Variants in TRIM60 observed in about 807,000 individuals in gnomAD.
TRIM60 encodes tripartite motif-containing protein 60.
For missense variants in TRIM60, 524 were observed against 540.8 expected (o/e 0.97, Z 0.31); for synonymous variants, 189 against 195.2 (o/e 0.97, Z 0.27).
In TRIM60 at chr4:165,041,588, G is replaced by A. The variant is rs1733769093; in HGVS notation, c.*100G>A. The A allele has an allele frequency of 1.2e-6, 1 of 857,248 alleles. No homozygotes were observed. 53.1% of individuals were successfully genotyped at this position (857,248 alleles called of 1,614,324 possible). On this transcript the variant is annotated 3_prime_UTR_variant, in exon 3 of 3. Coordinates refer to ENST00000512596, the MANE Select transcript of TRIM60 (RefSeq NM_152620.3). ...TTAAGTTTTACCACTGAAAACCAGAGTCGATTTTTCTCCTAAATTTTTGGC... is the reference window on the plus strand; with the variant it reads ...TTAAGTTTTACCACTGAAAACCAGAATCGATTTTTCTCCTAAATTTTTGGC...
At position 165,040,317 on chromosome 4, in the gene TRIM60, A is replaced by G; in HGVS notation, c.245A>G (p.Gln82Arg). ...RNLTEIAKQL[Q>R]IRRSKRKRQK... ...TTGACTGAAATTGCTAAACAACTCC[A>G]GATTAGGAGGAGCAAGAGAAAGAGG... Residue 82 changes from glutamine (Q) to arginine (R), a missense_variant, in exon 3 of 3, where the codon CAG (glutamine) becomes CGG (arginine). Transcript: ENST00000512596. The G allele has an allele frequency of 6.2e-7, 1 of 1,614,234 alleles. No homozygotes were observed.
chr4:165,034,461 C>A (rs902671292), intron 1 of TRIM60, among the ~76,000 whole-genome samples: 3 of 152,130 alleles, frequency 2.0e-5, no homozygotes, highest in African/African-American at 7.2e-5. Context: ...CATGAAATAC[C>A]CTTTTTTACA....
chr4:165,039,040 T>G (rs1214486834), intron 1 of TRIM60, among the ~76,000 whole-genome samples, 161 bp from the exon 2 acceptor site: 2 of 152,082 alleles, frequency 1.3e-5, no homozygotes, highest in Non-Finnish European at 2.9e-5. Flanking sequence ...CCAGCCTGGG[T>G]GGCAGCGAAA....
intron 1 of TRIM60, among the ~76,000 whole-genome samples, chr4:165,038,765 C>T (rs1173523517): frequency 6.6e-6 from 1 of 151,094 alleles, no homozygotes; most frequent in Non-Finnish European, 1.5e-5. Flanking sequence ...TACATACATA[C>T]ATTTTTATAT....
chr4:165,039,613 A>G (rs1733701174), intron 2 of TRIM60: 1 of 149,872 alleles, frequency 6.7e-6, no homozygotes, highest in African/African-American at 2.6e-5. Context: ...CCTGGCTAAC[A>G]AGGTGAAACC....
rs564962907 is a variant in TRIM60, at chr4:165,040,580, G to A, written c.508G>A (p.Val170Met). 4 of 1,614,158 alleles carry A rather than the reference G, an allele frequency of 2.5e-6. No individual in the cohort carries two copies. In the South Asian group the frequency reaches 4.4e-5, roughly 18 times the overall value. The change falls in exon 3 of 3, where the codon GTG (valine) becomes ATG (methionine). Residue 170 changes from valine to methionine, a missense_variant. Val to Met is a conservative substitution (Grantham distance 21). Coordinates refer to ENST00000512596, the MANE Select transcript of TRIM60 (RefSeq NM_152620.3). ...KVIILQGSKS[V>M]ELKKKVEYKR... ...GATAATTCTGCAAGGCAGCAAATCAGTGGAGCTGAAAAAGAAGGTAGAATA... is the reference window on the plus strand; with the variant it reads ...GATAATTCTGCAAGGCAGCAAATCAATGGAGCTGAAAAAGAAGGTAGAATA...
At chr4:165,033,009 T>C (rs572211812) in intron 1 of TRIM60, among the ~76,000 whole-genome samples, 1 of 143,190 alleles carries the variant, frequency 7.0e-6, no homozygotes, top group South Asian at 2.2e-4. Context: ...GGCAACATAG[T>C]GAGACCCCTG....
At chr4:165,037,254 T>G (rs186609433) in intron 1 of TRIM60, among the ~76,000 whole-genome samples, 84 of 152,310 alleles carry the variant, frequency 5.5e-4, no homozygotes, top group African/African-American at 1.8e-3. Flanking sequence ...AGTGATTTAG[T>G]ATCACACCAG....
chr4:165,037,417 G>A (rs908372097), intron 1 of TRIM60, among the ~76,000 whole-genome samples: 2 of 151,644 alleles, frequency 1.3e-5, no homozygotes, highest in Admixed American at 6.6e-5. Flanking sequence ...TCTGCCTCCC[G>A]GGTTCAAGCA....
intron 1 of TRIM60, among the ~76,000 whole-genome samples, chr4:165,037,142 A>C (rs1560907888): frequency 6.6e-6 from 1 of 151,612 alleles, no homozygotes. Flanking sequence ...CGGAGGTTGC[A>C]GTGAGCCGAG....
Position 165,041,218 on chromosome 4 carries a change from G to T in TRIM60, c.1146G>T (p.Leu382=), listed in dbSNP as rs1733758226. The change falls in exon 3 of 3, where the codon CTG becomes CTT. Residue 382 remains leucine (L), a synonymous_variant. Transcript: ENST00000512596. Reference sequence around the variant, plus strand: ...ACTGGCAGGATCAGCCATCAGTTCTGGGCGGATTCTGGGCAATTGGGCGAT... The same window carrying T: ...ACTGGCAGGATCAGCCATCAGTTCTTGGCGGATTCTGGGCAATTGGGCGAT... ...LRNWQDQPSV[L]GGFWAIGRYM... 1 of 1,614,040 alleles carries T rather than the reference G, an allele frequency of 6.2e-7. No homozygotes were observed. The highest frequency in any genetic ancestry group is 1.3e-5 in the African/African-American group (1 of 74,920).
At position 165,040,939 on chromosome 4, in the gene TRIM60, T is replaced by C. The variant is rs1289670647; in HGVS notation, c.867T>C (p.Ile289=). ...LPPQYSGLDR[I]IKPFQVDVIL... ...CTCAATATTCTGGCTTGGACAGAAT[T>C]ATCAAGCCATTTCAAGTAGATGTGA... The change falls in exon 3 of 3, where the codon ATT becomes ATC. Residue 289 remains isoleucine (I), a synonymous_variant. Coordinates refer to ENST00000512596, the MANE Select transcript of TRIM60 (RefSeq NM_152620.3). 6.2e-7 allele frequency: 1 copy of C among 1,613,928 alleles called. No individual in the cohort carries two copies. The highest frequency in any genetic ancestry group is 8.5e-7 in the Non-Finnish European group (1 of 1,179,784).
At chr4:165,032,459 G>C (rs1365510627) in intron 1 of TRIM60, among the ~76,000 whole-genome samples, 1 of 152,196 alleles carries the variant, frequency 6.6e-6, no homozygotes, top group Non-Finnish European at 1.5e-5. Flanking sequence ...ATGTTGGCCA[G>C]GCTGGTGTCG....
Position 165,040,594 on chromosome 4 carries a change from GAAGGTAGAATATA to G in TRIM60, c.524_536del (p.Lys175ArgfsTer5). 6.2e-7 allele frequency: 1 copy of G among 1,614,150 alleles called. No individual in the cohort carries two copies. The highest frequency in any genetic ancestry group is 8.5e-7 in the Non-Finnish European group (1 of 1,180,014). On this transcript the variant is annotated frameshift_variant, in exon 3 of 3. Coordinates refer to ENST00000512596, the MANE Select transcript of TRIM60 (RefSeq NM_152620.3). LOFTEE classifies it low-confidence loss of function (END_TRUNC). ...GCAGCAAATCAGTGGAGCTGAAAAA[GAAGGTAGAATATA>G]AGAGGGAAGAAATAAATTCTGAGTT... is the stretch of plus-strand genomic sequence containing the variant.
intron 1 of TRIM60, among the ~76,000 whole-genome samples, 184 bp from the exon 2 acceptor site, chr4:165,039,017 G>A (rs1045102610): frequency 6.6e-6 from 1 of 151,988 alleles, no homozygotes; most frequent in African/African-American, 2.4e-5. Flanking sequence ...AGCCAAGATC[G>A]TGCCATTGCA....
In TRIM60 at chr4:165,040,088, GCC is replaced by G; in HGVS notation, c.18_19del (p.Leu7GlyfsTer8). Reference protein sequence around the residue: MEFVTALVNLQEESSC... With the variant: MEFVTXLVNLQEESSC... ...TCGCAGCTCGATGGAGTTTGTGACAGCCCTGGTGAACCTCCAAGAGGAGTCTA... is the reference window on the plus strand; with the variant it reads ...TCGCAGCTCGATGGAGTTTGTGACAGCTGGTGAACCTCCAAGAGGAGTCTA... On this transcript the variant is annotated frameshift_variant, in exon 3 of 3. Coordinates refer to ENST00000512596, the MANE Select transcript of TRIM60 (RefSeq NM_152620.3). LOFTEE classifies it low-confidence loss of function (END_TRUNC). 1 of 1,612,364 alleles carries G rather than the reference GCC, an allele frequency of 6.2e-7. No homozygotes were observed. The highest frequency in any genetic ancestry group is 1.1e-5 in the South Asian group (1 of 90,944).
intron 2 of TRIM60, among the ~76,000 whole-genome samples, chr4:165,039,804 CAAAA>C (rs34594955): frequency 4.8e-5 from 4 of 83,498 alleles, no homozygotes; most frequent in East Asian, 4.0e-4. Flanking sequence ...GACTCCGTCT[CAAAA>C]AAAAAAAAAA....
chr4:165,037,550 C>G (rs1480663753), intron 1 of TRIM60, among the ~76,000 whole-genome samples: 1 of 152,014 alleles, frequency 6.6e-6, no homozygotes, highest in Non-Finnish European at 1.5e-5. Flanking sequence ...GTCTCCGTCT[C>G]TTGATCTCGT....
chr4:165,032,581 C>A (rs1733529974), intron 1 of TRIM60, among the ~76,000 whole-genome samples: 1 of 152,096 alleles, frequency 6.6e-6, no homozygotes, highest in South Asian at 2.1e-4. Flanking sequence ...GCAGTGGGAC[C>A]CCGATGATTG....
Sources: gnomAD v4.1 joint callset for allele counts (sites outside exome capture counted in the v4.1 genomes callset) on GRCh38, gnomAD v4.1.1 for gene constraint, MANE v1.5 for transcripts, NCBI Gene and HGNC (gene_info 2026-07-23, HGNC 2026-07-21) for gene names.